Variants in PARVB observed in about 807,000 individuals in gnomAD.
PARVB encodes beta-parvin.
In PARVB, 46 loss-of-function variants were observed where a neutral mutation model predicts 47.0. The ratio of observed to expected loss-of-function variants is 0.98; its 90% CI spans 0.77 to 1.25. The LOEUF (loss-of-function observed/expected upper bound fraction) is 1.25. Ranked by LOEUF, PARVB falls within the 50% of genes most tolerant of loss-of-function variation. The pLI is 0.00. For missense variants in PARVB, 473 were observed against 471.6 expected, an observed-to-expected ratio of 1.00 and a Z score of -0.03; for synonymous variants, 196 against 196.3, an observed-to-expected ratio of 1.00 and a Z score of 0.01.
chr22:44,098,437 A>G (rs5764525), intron 2 of PARVB, among the ~76,000 whole-genome samples: 71,022 of 151,888 alleles, frequency 0.47, 16,983 homozygotes, highest in East Asian at 0.7. Flanking sequence ...AGAGAGTGTC[A>G]GACAGCGGGA....
chr22:44,060,791 A>G (rs1388321372), intron 1 of PARVB, among the ~76,000 whole-genome samples: 1 of 151,956 alleles, frequency 6.6e-6, no homozygotes, highest in Non-Finnish European at 1.5e-5. Flanking sequence ...AGTTCTCATT[A>G]TTCATGGTGG....
chr22:44,050,942 G>T (rs959770773), intron 1 of PARVB, among the ~76,000 whole-genome samples: 14 of 152,348 alleles, frequency 9.2e-5, no homozygotes, highest in Middle Eastern at 3.4e-3. Context: ...AGCTGAGGCG[G>T]GGGCTGAGCC....
At chr22:44,095,931 GA>G (rs1427785416) in intron 2 of PARVB, among the ~76,000 whole-genome samples, 21 of 152,304 alleles carry the variant, frequency 1.4e-4, no homozygotes, top group Non-Finnish European at 2.4e-4. Context: ...CCGCTTAGAA[GA>G]GAGTGGCCCC....
intron 1 of PARVB, among the ~76,000 whole-genome samples, chr22:44,074,337 C>T (rs563549299): frequency 3.3e-5 from 5 of 152,356 alleles, no homozygotes; most frequent in African/African-American, 1.2e-4. Flanking sequence ...TACCATGTCT[C>T]CTGGGCTCTG....
rs373552258 is a variant in PARVB at position 44,165,130 on chromosome 22, C to T, written c.1018+1200C>T. Among the ~76,000 whole-genome samples the T allele has an allele frequency of 1.8e-3, 271 of 152,320 alleles. 1 individual carries two copies. Among genetic ancestry groups the T allele is most frequent in the African/African-American group, 6.4e-3 (267 of 41,562 alleles). The stretch of plus-strand genomic sequence containing the variant: ...ACCTCAGTCTGTCGAGTAACTGGGA[C>T]TAAGGCGCATACCACCATGCCCGGC... On this transcript the variant is annotated intron_variant, in intron 12 of 12. Transcript: ENST00000338758.
intron 8 of PARVB, chr22:44,147,464 A>C: frequency 2.8e-6 from 1 of 358,154 alleles, no homozygotes. Flanking sequence ...TCGCGGGGGA[A>C]GTGGTTGGAT....
rs1569134422 is a variant in PARVB at position 44,122,538 on chromosome 22, GAGAGAGAGAGAGAGACACAGAGAC to G, written c.376+3414_376+3437del. Among the ~76,000 whole-genome samples the G allele has an allele frequency of 4.6e-4, 47 of 101,644 alleles. 1 individual carries two copies. Among genetic ancestry groups the G allele is most frequent in the African/African-American group, 6.9e-4 (14 of 20,190 alleles). The allele number at this position is 101,644 out of a possible 152,430, so 66.7% of individuals were successfully genotyped here. ...AGAGAGACAGAGAGACAGAGAGAGA[GAGAGAGAGAGAGAGACACAGAGAC>G]AGAGAGAGAGAGAGAGAGAGAGAGA... On this transcript the variant is annotated intron_variant, in intron 4 of 12. Coordinates refer to ENST00000338758, the MANE Select transcript of PARVB (RefSeq NM_013327.5).
chr22:44,151,669 T>G (rs2053813329), intron 10 of PARVB, 118 bp downstream of exon 10: 1 of 774,670 alleles, frequency 1.3e-6, no homozygotes, highest in Non-Finnish European at 2.3e-6. Context: ...CACAAGGAAC[T>G]CCCGTGGTGC....
chr22:44,074,113 G>A (rs1363587820), intron 1 of PARVB, among the ~76,000 whole-genome samples: 2 of 152,216 alleles, frequency 1.3e-5, no homozygotes, highest in African/African-American at 2.4e-5. Context: ...TGAGGCAGGA[G>A]CCAGGGGTGT....
chr22:44,122,628 C>G (rs118173484), intron 4 of PARVB, among the ~76,000 whole-genome samples: 108 of 150,162 alleles, frequency 7.2e-4, no homozygotes, highest in Non-Finnish European at 1.5e-3. Context: ...TGCTTTCTCT[C>G]CCACGTATAC....
chr22:44,021,416 G>T (rs528188295), upstream of PARVB, among the ~76,000 whole-genome samples: 2 of 152,228 alleles, frequency 1.3e-5, no homozygotes, highest in East Asian at 3.9e-4. Context: ...AAGGAGGGAA[G>T]GAGAAAGAAG....
intron 2 of PARVB, among the ~76,000 whole-genome samples, chr22:44,099,500 T>G (rs1732388397): frequency 1.3e-5 from 2 of 151,482 alleles, no homozygotes; most frequent in South Asian, 4.3e-4. Flanking sequence ...GCTGAACACG[T>G]TTTGCTGTTA....
upstream of PARVB, chr22:44,024,272 G>A: frequency 1.1e-6 from 1 of 876,780 alleles, no homozygotes. Flanking sequence ...CCGCGCCCTC[G>A]GCCTCTCCCC....
intron 8 of PARVB, chr22:44,147,556 T>G (rs6006677): frequency 0.48 from 230,813 of 481,270 alleles, 59,102 homozygotes; most frequent in East Asian, 0.78. Context: ...ACGTGGCAGG[T>G]GCAGATGCCA....
chr22:44,116,854 G>A (rs1358448155), intron 3 of PARVB, among the ~76,000 whole-genome samples: 2 of 152,152 alleles, frequency 1.3e-5, no homozygotes, highest in African/African-American at 2.4e-5. Context: ...GTGTGCAGAG[G>A]CCCCGTGGCG....
At chr22:44,118,732 C>T (rs2052970799) in intron 3 of PARVB, among the ~76,000 whole-genome samples, 2 of 151,910 alleles carry the variant, frequency 1.3e-5, no homozygotes, top group African/African-American at 4.8e-5. Context: ...AGCTGTGTAG[C>T]CTCTGTCTCT....
intron 4 of PARVB, among the ~76,000 whole-genome samples, chr22:44,124,318 C>T (rs2053139331): frequency 6.6e-6 from 1 of 152,198 alleles, no homozygotes; most frequent in Admixed American, 6.5e-5. Flanking sequence ...CCCAGTGTCC[C>T]CTTGTAGGTG....
intron 4 of PARVB, among the ~76,000 whole-genome samples, chr22:44,127,269 G>GA (rs1400012115): frequency 6.7e-6 from 1 of 149,828 alleles, no homozygotes; most frequent in East Asian, 1.9e-4. Flanking sequence ...TTTTTGTACT[G>GA]AAAAAAAGAA....
chr22:44,170,231 G>C lies in PARVB; in HGVS notation c.*1553G>C, dbSNP rs548091128. 6.6e-6 allele frequency: 1 copy of C among 151,960 alleles called. No individual in the cohort carries two copies. Among genetic ancestry groups the C allele is most frequent in the Non-Finnish European group, 1.5e-5 (1 of 68,032 alleles). 9.4% of individuals were successfully genotyped at this position (151,960 alleles called of 1,614,324 possible). A position where few individuals can be genotyped will look rare whatever the true frequency, so the allele number is the denominator to read the frequency against. On this transcript the variant is annotated 3_prime_UTR_variant, in exon 13 of 13. Coordinates refer to ENST00000338758, the MANE Select transcript of PARVB (RefSeq NM_013327.5). ...GCCCAGGCTGTTCTCAAACCCCTGG[G>C]CTTGAGCGACCCACCCACCTCAGCC...
Sources: allele counts gnomAD v4.1 joint callset (sites outside exome capture counted in the v4.1 genomes callset), GRCh38; gene constraint gnomAD v4.1.1; transcripts MANE v1.5; gene names NCBI Gene and HGNC (gene_info 2026-07-23, HGNC 2026-07-21).